SYCP1: variants seen among roughly 807,000 people sequenced by gnomAD.
The protein encoded by SYCP1 is synaptonemal complex protein 1.
Under a neutral mutation model 153.1 loss-of-function variants are expected in SYCP1, and 64 were observed. The ratio of observed to expected loss-of-function variants is 0.42; its 90% CI spans 0.34 to 0.51. The LOEUF is 0.51. Among genes scored for constraint, SYCP1 ranks in the 20% least tolerant of loss-of-function variants. SYCP1 has a pLI of 0.06. For missense variants in SYCP1, 997 were observed against 1,049.0 expected, an observed-to-expected ratio of 0.95 and a Z score of 0.68; for synonymous variants, 384 against 341.8, an observed-to-expected ratio of 1.12 and a Z score of -1.36.
chr1:114,981,608 A>G (rs577191443), intron 29 of SYCP1, 96 bp downstream of exon 29: 55 of 1,091,120 alleles, frequency 5.0e-5, no homozygotes, highest in Middle Eastern at 6.2e-4. Context: ...ACACATATAT[A>G]ACTAGTTTCT....
At chr1:114,948,844 T>C (rs897531583) in intron 27 of SYCP1, among the ~76,000 whole-genome samples, 4 of 152,240 alleles carry the variant, frequency 2.6e-5, no homozygotes, top group Admixed American at 2.6e-4. Flanking sequence ...GAGGAATTCT[T>C]CTGTGGCTTA....
chr1:114,932,907 C>A (rs1321213670), intron 23 of SYCP1, among the ~76,000 whole-genome samples: 2 of 152,210 alleles, frequency 1.3e-5, no homozygotes, highest in Admixed American at 6.5e-5. Flanking sequence ...AAAGCTCGAA[C>A]TGGGTGGAAC....
intron 27 of SYCP1, among the ~76,000 whole-genome samples, chr1:114,966,117 T>C (rs1417819436): frequency 1.3e-5 from 2 of 152,190 alleles, no homozygotes; most frequent in African/African-American, 2.4e-5. Flanking sequence ...CTAGATTTTC[T>C]AGTTTATTTG....
At chr1:114,854,735 C>T (rs1189108455), upstream of SYCP1, 1 of 152,190 alleles carries the variant, frequency 6.6e-6, no homozygotes, top group Non-Finnish European at 1.5e-5. Flanking sequence ...AACTTCCACT[C>T]CAAGGAAATA....
At chr1:114,869,181 A>T (rs1664954140) in intron 8 of SYCP1, among the ~76,000 whole-genome samples, 1 of 152,090 alleles carries the variant, frequency 6.6e-6, no homozygotes, top group African/African-American at 2.4e-5. Flanking sequence ...AATGCTATAA[A>T]TTTCCCTCTC....
At chr1:114,905,052 A>G (rs1409018026) in intron 16 of SYCP1, among the ~76,000 whole-genome samples, 1 of 152,138 alleles carries the variant, frequency 6.6e-6, no homozygotes, top group Admixed American at 6.5e-5. Context: ...TGAGTATTGT[A>G]CTTTTTTTCT....
intron 16 of SYCP1, among the ~76,000 whole-genome samples, chr1:114,904,134 T>TG (rs1667659914): frequency 6.6e-6 from 1 of 150,570 alleles, no homozygotes; most frequent in Admixed American, 6.6e-5. Context: ...TTTTTTTTTT[T>TG]GAGACGGAGT....
chr1:114,915,527 A>G (rs900343834), intron 20 of SYCP1, among the ~76,000 whole-genome samples: 2 of 152,124 alleles, frequency 1.3e-5, no homozygotes, highest in Admixed American at 6.6e-5. Flanking sequence ...ATTATCAGTT[A>G]TTTCTGGTTG....
In SYCP1 at chr1:114,951,698, A is replaced by C. The variant is rs146730239; in HGVS notation, c.2322+4378A>C. On this transcript the variant is annotated intron_variant, in intron 27 of 31. Coordinates refer to ENST00000369522, the MANE Select transcript of SYCP1 (RefSeq NM_003176.4). ...CCCATGGTCACATCTTACAAATTGT[A>C]GGACAATATCACAACCAGGATTTTG... Among the ~76,000 whole-genome samples, 204 of 152,326 alleles carry C rather than the reference A, an allele frequency of 1.3e-3. 1 individual carries two copies. The highest frequency in any genetic ancestry group is 4.7e-3 in the African/African-American group (196 of 41,584).
intron 23 of SYCP1, among the ~76,000 whole-genome samples, chr1:114,942,205 A>G (rs1670433877): frequency 6.6e-6 from 1 of 152,070 alleles, no homozygotes; most frequent in East Asian, 1.9e-4. Context: ...GAACATCTCA[A>G]CAAACAACAA....
Position 114,950,270 on chromosome 1 carries a change from A to G in SYCP1, c.2322+2950A>G, listed in dbSNP as rs60386811. On this transcript the variant is annotated intron_variant, in intron 27 of 31. Coordinates refer to ENST00000369522, the MANE Select transcript of SYCP1 (RefSeq NM_003176.4). The stretch of plus-strand genomic sequence containing the variant: ...GCCTAGATTCCTGGAGATAACAAGG[A>G]GTAGGGTAGAAACCAGTCTATAATT... Among the ~76,000 whole-genome samples the G allele has an allele frequency of 6.6e-3, 1,002 of 152,304 alleles. 15 individuals are homozygous for G. The highest frequency in any genetic ancestry group is 0.023 in the African/African-American group (939 of 41,572).
chr1:114,947,803 C>A (rs1670818618), intron 27 of SYCP1, among the ~76,000 whole-genome samples: 1 of 97,446 alleles, frequency 1.0e-5, no homozygotes, highest in Non-Finnish European at 1.8e-5. Flanking sequence ...CAGAGCGAGA[C>A]TCCGTCTCAA....
intron 30 of SYCP1, among the ~76,000 whole-genome samples, chr1:114,985,719 C>T (rs1673453780): frequency 6.6e-6 from 1 of 151,674 alleles, no homozygotes; most frequent in African/African-American, 2.4e-5. Flanking sequence ...CTTCAGAACC[C>T]CTTTGTTTTA....
intron 23 of SYCP1, 29 bp from the exon 24 acceptor site, chr1:114,944,310 A>G: frequency 8.3e-7 from 1 of 1,211,848 alleles, no homozygotes; most frequent in Non-Finnish European, 1.2e-6. Context: ...GCATTTACTA[A>G]TATTCATGCT....
intron 8 of SYCP1, among the ~76,000 whole-genome samples, chr1:114,869,863 A>C (rs1664996292): frequency 6.6e-6 from 1 of 152,172 alleles, no homozygotes; most frequent in Admixed American, 6.5e-5. Flanking sequence ...GAGATGTTGA[A>C]ATCTTCAACT....
intron 27 of SYCP1, among the ~76,000 whole-genome samples, chr1:114,957,993 C>G (rs1476148912): frequency 6.6e-6 from 1 of 152,168 alleles, no homozygotes; most frequent in Non-Finnish European, 1.5e-5. Flanking sequence ...CCCATGTTTA[C>G]TGTAGCACTA....
chr1:114,881,056 T>TACACACACACACACACAC (rs67335338), intron 12 of SYCP1, among the ~76,000 whole-genome samples: 1 of 144,940 alleles, frequency 6.9e-6, no homozygotes, highest in African/African-American at 2.6e-5. Context: ...TTTGTGTATA[T>TACACACACACACACACAC]ACACACACAC....
chr1:114,904,093 A>C (rs1570739083), intron 16 of SYCP1, among the ~76,000 whole-genome samples: 1 of 151,760 alleles, frequency 6.6e-6, no homozygotes, highest in South Asian at 2.1e-4. Context: ...TTTCCATATA[A>C]ATTTTATAAT....
chr1:114,995,069 T>G lies in SYCP1; in HGVS notation c.*50T>G, dbSNP rs769957992. ...GAGCCTAATAACGTGAAACTTATAGTTAATATTTTGTTCTTATTTGCCAGA... is the reference window on the plus strand; with the variant it reads ...GAGCCTAATAACGTGAAACTTATAGGTAATATTTTGTTCTTATTTGCCAGA... On this transcript the variant is annotated 3_prime_UTR_variant, in exon 32 of 32. Transcript: ENST00000369522. The G allele has an allele frequency of 5.4e-6, 8 of 1,487,044 alleles. No individual in the cohort carries two copies. The Admixed American group carries it at 1.9e-4, about 35-fold the overall frequency. 92.1% of individuals were successfully genotyped at this position (1,487,044 alleles called of 1,614,324 possible). A position where few individuals can be genotyped will look rare whatever the true frequency, so the allele number is the denominator to read the frequency against.
Sources: allele counts gnomAD v4.1 joint callset (sites outside exome capture counted in the v4.1 genomes callset), GRCh38; gene constraint gnomAD v4.1.1; transcripts MANE v1.5; gene names NCBI Gene and HGNC (gene_info 2026-07-23, HGNC 2026-07-21).